GDPD4: variants seen among roughly 807,000 people sequenced by gnomAD.
GDPD4 encodes the protein glycerophosphodiester phosphodiesterase 6.
Under a neutral mutation model 67.8 loss-of-function variants are expected in GDPD4, and 60 were observed. The observed-to-expected ratio is 0.88, with a 90% CI of 0.72 to 1.10. The LOEUF (loss-of-function observed/expected upper bound fraction) is 1.10, where lower values mean the gene tolerates loss of function less well. Ranked by LOEUF, GDPD4 falls within the 50% of genes least tolerant of loss-of-function variation. GDPD4 has a pLI of 0.00. For missense variants in GDPD4, 623 were observed against 613.9 expected (o/e 1.01, Z -0.16); for synonymous variants, 212 against 210.9 (o/e 1.00, Z -0.04).
At chr11:77,241,586 C>A (rs1239450246) in intron 13 of GDPD4, among the ~76,000 whole-genome samples, 2 of 134,110 alleles carry the variant, frequency 1.5e-5, no homozygotes. Flanking sequence ...TGCAGTGAGC[C>A]AAGATCACGC....
chr11:77,245,438 G>A lies in GDPD4; in HGVS notation c.929C>T (p.Ser310Leu). 2 of 1,614,096 alleles carry A rather than the reference G, an allele frequency of 1.2e-6. No homozygotes were observed. The highest frequency in any genetic ancestry group is 1.1e-5 in the South Asian group (1 of 91,070). ...EADKERARNQ[S>L]IPTLADLLTL... is the part of the protein sequence containing the mutation. ...CAATAAATCAGCTAGTGTTGGAATT[G>A]ACTGATTTCTTGCTCTTTCTTTATC... The change falls in exon 12 of 17, where the codon TCA becomes TTA. Residue 310 changes from serine to leucine, a missense_variant. Coordinates refer to ENST00000315938, the MANE Select transcript of GDPD4 (RefSeq NM_182833.3).
At position 77,245,498 on chromosome 11, in the gene GDPD4, C is replaced by T. The variant is rs1432854567; in HGVS notation, c.869G>A (p.Arg290Lys). 1 of 1,611,700 alleles carries T rather than the reference C, an allele frequency of 6.2e-7. No individual in the cohort carries two copies. The highest frequency in any genetic ancestry group is 1.1e-5 in the South Asian group (1 of 90,972). ...AGKWFVKPEL[R>K]PFYNMKPLSE... is the part of the protein sequence containing the mutation. The stretch of plus-strand genomic sequence containing the variant: ...TAGAGGTTTCATATTGTAAAATGGC[C>T]TGAGCTAGAAACAAATACATCAAAA... The change falls in exon 12 of 17, where the codon AGG (arginine) becomes AAG (lysine). Residue 290 changes from arginine (R) to lysine (K), a missense_variant. Transcript: ENST00000315938.
intron 10 of GDPD4, among the ~76,000 whole-genome samples, chr11:77,267,025 C>T (rs1959181328): frequency 6.6e-6 from 1 of 152,348 alleles, no homozygotes; most frequent in African/African-American, 2.4e-5. Context: ...CCCAGAGCAA[C>T]TTCCAGTCCT....
chr11:77,294,406 A>G (rs2135896715), intron 1 of GDPD4, among the ~76,000 whole-genome samples: 1 of 152,334 alleles, frequency 6.6e-6, no homozygotes, highest in South Asian at 2.1e-4. Context: ...TTAGGTATAA[A>G]TCTAACAAAA....
At chr11:77,273,696 T>C (rs1298780718) in intron 5 of GDPD4, among the ~76,000 whole-genome samples, 1 of 152,240 alleles carries the variant, frequency 6.6e-6, no homozygotes. Flanking sequence ...GATTGTTTGG[T>C]TATCTGAAGC....
chr11:77,235,976 C>CAAAAAAAAAAAA (rs1269645852), intron 13 of GDPD4, among the ~76,000 whole-genome samples: 3 of 83,470 alleles, frequency 3.6e-5, no homozygotes, highest in Admixed American at 1.2e-4. Context: ...AAAAAAAAAA[C>CAAAAAAAAAAAA]AAAAAAAAAA....
intron 8 of GDPD4, 38 bp downstream of exon 8, chr11:77,269,845 G>A (rs911985625): frequency 7.2e-6 from 8 of 1,118,880 alleles, no homozygotes; most frequent in South Asian, 1.4e-5. Context: ...TACCACCTTT[G>A]CTTTAGTGAC....
In GDPD4 at chr11:77,285,167, A is replaced by C. The variant is rs751406385; in HGVS notation, c.-30T>G. On this transcript the variant is annotated 5_prime_UTR_variant, in exon 3 of 17. Coordinates refer to ENST00000315938, the MANE Select transcript of GDPD4 (RefSeq NM_182833.3). ...GACAAGACAAATGAAATTACCAGGCACGGCAAAATAATTGCTCTTTCTGGG... is the reference window on the plus strand; with the variant it reads ...GACAAGACAAATGAAATTACCAGGCCCGGCAAAATAATTGCTCTTTCTGGG... The C allele has an allele frequency of 2.5e-6, 4 of 1,571,308 alleles. No individual in the cohort carries two copies. The South Asian group carries it at 3.4e-5, about 13-fold the overall frequency.
At chr11:77,255,258 G>A (rs1248842339) in intron 11 of GDPD4, among the ~76,000 whole-genome samples, 1 of 152,126 alleles carries the variant, frequency 6.6e-6, no homozygotes, top group East Asian at 1.9e-4. Flanking sequence ...AGACAGTTTT[G>A]AAGAAATGTT....
intron 16 of GDPD4, among the ~76,000 whole-genome samples, chr11:77,225,528 C>T (rs1226901360): frequency 6.6e-6 from 1 of 151,900 alleles, no homozygotes; most frequent in Non-Finnish European, 1.5e-5. Context: ...CGCACACGCA[C>T]GAAGTTAAGC....
chr11:77,279,460 G>T, intron 3 of GDPD4, 61 bp from the exon 4 acceptor site: 1 of 1,045,434 alleles, frequency 9.6e-7, no homozygotes. Flanking sequence ...TCTGTGTCAA[G>T]GATGGGGACA....
chr11:77,292,403 T>C (rs1230480096), intron 1 of GDPD4, among the ~76,000 whole-genome samples: 1 of 152,090 alleles, frequency 6.6e-6, no homozygotes, highest in Non-Finnish European at 1.5e-5. Context: ...CCTTTTGAAC[T>C]GAATAGAAAT....
At chr11:77,224,851 C>T (rs1484452454) in intron 16 of GDPD4, among the ~76,000 whole-genome samples, 1 of 151,830 alleles carries the variant, frequency 6.6e-6, no homozygotes, top group Non-Finnish European at 1.5e-5. Flanking sequence ...TCTGTAATTC[C>T]AGTGCTTTAG....
intron 8 of GDPD4, among the ~76,000 whole-genome samples, chr11:77,269,286 T>C (rs567377339): frequency 1.3e-5 from 2 of 152,280 alleles, no homozygotes; most frequent in African/African-American, 4.8e-5. Flanking sequence ...GCATTATTAT[T>C]AAGGCAACTT....
At chr11:77,275,763 T>C (rs1418595111) in intron 5 of GDPD4, among the ~76,000 whole-genome samples, 1 of 152,162 alleles carries the variant, frequency 6.6e-6, no homozygotes, top group African/African-American at 2.4e-5. Flanking sequence ...TTAAGGTTAA[T>C]AAAGTTGGAG....
chr11:77,270,414 A>G (rs1474033276), intron 7 of GDPD4, among the ~76,000 whole-genome samples: 1 of 152,230 alleles, frequency 6.6e-6, no homozygotes. Context: ...TGGACCTAGT[A>G]TTAGTTGAAA....
At chr11:77,282,605 G>C (rs1326754803) in intron 3 of GDPD4, among the ~76,000 whole-genome samples, 3 of 151,936 alleles carry the variant, frequency 2.0e-5, no homozygotes, top group Non-Finnish European at 4.4e-5. Flanking sequence ...AATGAGCCAA[G>C]CTTGGGAGGC....
intron 15 of GDPD4, among the ~76,000 whole-genome samples, chr11:77,228,674 T>G (rs867787910): frequency 6.6e-6 from 1 of 151,976 alleles, no homozygotes; most frequent in Non-Finnish European, 1.5e-5. Context: ...GGCAATAGAC[T>G]GAGACCCCAT....
intron 3 of GDPD4, among the ~76,000 whole-genome samples, chr11:77,280,386 G>T (rs939029524): frequency 2.6e-4 from 39 of 151,358 alleles, no homozygotes; most frequent in Non-Finnish European, 5.6e-4. Context: ...AAGCACAGGT[G>T]GTTATTAAAC....
Sources: gnomAD v4.1 joint callset for allele counts (sites outside exome capture counted in the v4.1 genomes callset) on GRCh38, gnomAD v4.1.1 for gene constraint, MANE v1.5 for transcripts, NCBI Gene and HGNC (gene_info 2026-07-23, HGNC 2026-07-21) for gene names.